PLXNA4: variants seen among roughly 807,000 people sequenced by gnomAD.
The protein encoded by PLXNA4 is plexin A4, also known as plexin-A4.
In PLXNA4, 44 loss-of-function variants were observed where a neutral mutation model predicts 191.8. The observed-to-expected ratio is 0.23, with a 90% confidence interval of 0.18 to 0.29. The LOEUF (loss-of-function observed/expected upper bound fraction) is 0.29. Among genes scored for constraint, PLXNA4 ranks in the 10% least tolerant of loss-of-function variants. The pLI is 1.00. For synonymous variants in PLXNA4, 1,082 were observed against 1,009.5 expected, an observed-to-expected ratio of 1.07 and a Z score of -1.36; for missense variants, 1,800 against 2,488.8, an observed-to-expected ratio of 0.72 and a Z score of 5.89.
chr7:132,142,138 C>G (rs1460313477), intron 29 of PLXNA4, among the ~76,000 whole-genome samples: 1 of 152,242 alleles, frequency 6.6e-6, no homozygotes, highest in Non-Finnish European at 1.5e-5. Context: ...GCCCTGCAGT[C>G]TGCTATTGTA....
At chr7:132,477,876 T>C (rs1306204370) in intron 3 of PLXNA4, among the ~76,000 whole-genome samples, 1 of 152,236 alleles carries the variant, frequency 6.6e-6, no homozygotes, top group African/African-American at 2.4e-5. Context: ...AAAATGTGGC[T>C]AAATAAAAAC....
intron 3 of PLXNA4, among the ~76,000 whole-genome samples, chr7:132,445,467 C>T (rs1367029753): frequency 6.6e-6 from 1 of 151,666 alleles, no homozygotes; most frequent in Non-Finnish European, 1.5e-5. Flanking sequence ...GCATCTCACA[C>T]AACACATCTA....
chr7:132,297,923 A>G (rs1801162388), intron 4 of PLXNA4, among the ~76,000 whole-genome samples, 168 bp downstream of exon 4: 1 of 152,242 alleles, frequency 6.6e-6, no homozygotes, highest in African/African-American at 2.4e-5. Flanking sequence ...TCAGAACACC[A>G]AGCCTCAGTC....
intron 13 of PLXNA4, 78 bp downstream of exon 13, chr7:132,198,407 G>C: frequency 6.6e-7 from 1 of 1,525,326 alleles, no homozygotes. Flanking sequence ...AGAGCACCTA[G>C]TTGCTGACCA....
chr7:132,555,045 G>GAAAAAAAAAAACAAAAAAAAAAAAAAA (rs770401001), intron 1 of PLXNA4, among the ~76,000 whole-genome samples: 6 of 111,894 alleles, frequency 5.4e-5, no homozygotes, highest in African/African-American at 1.1e-4. Context: ...AAACCTGAAG[G>GAAAAAAAAAAACAAAAAAAAAAAAAAA]AAAAAAAAAA....
At chr7:132,629,471 C>T (rs1328839810) in intron 2 of PLXNA4, among the ~76,000 whole-genome samples, 1 of 152,220 alleles carries the variant, frequency 6.6e-6, no homozygotes, top group Non-Finnish European at 1.5e-5. Context: ...TGCCTAGACC[C>T]TCTCCTGAAC....
intron 3 of PLXNA4, among the ~76,000 whole-genome samples, chr7:132,348,989 C>T (rs986131997): frequency 6.6e-6 from 1 of 152,158 alleles, no homozygotes; most frequent in African/African-American, 2.4e-5. Flanking sequence ...TGAGGCGCCC[C>T]TCCGTGTTCC....
chr7:132,493,480 C>T (rs1563131575), intron 2 of PLXNA4, among the ~76,000 whole-genome samples: 1 of 152,286 alleles, frequency 6.6e-6, no homozygotes, highest in Non-Finnish European at 1.5e-5. Flanking sequence ...CTGAGAGGGC[C>T]ACACTCTCTG....
Position 132,312,061 on chromosome 7 carries a change from TGAG to T in PLXNA4, c.1372-13842_1372-13840del, listed in dbSNP as rs368394902. On this transcript the variant is annotated intron_variant, in intron 3 of 31. Transcript: ENST00000321063. ...GCTTTAAGCCACCCCCGCCCTCAGT[TGAG>T]GGGCCTAAAGACATCCTCCTCCAAT... 1.5e-4 allele frequency among the ~76,000 whole-genome samples: 22 copies of T among 151,524 alleles called. No homozygotes were observed. In the South Asian group the frequency reaches 4.6e-3, roughly 32 times the overall value.
chr7:132,225,454 C>T (rs1276034767), intron 8 of PLXNA4, among the ~76,000 whole-genome samples: 1 of 152,182 alleles, frequency 6.6e-6, no homozygotes, highest in African/African-American at 2.4e-5. Flanking sequence ...TGTGATTTCC[C>T]TGTTGATAGA....
chr7:132,392,063 G>A (rs1793517021), intron 3 of PLXNA4, among the ~76,000 whole-genome samples: 1 of 152,068 alleles, frequency 6.6e-6, no homozygotes, highest in Non-Finnish European at 1.5e-5. Context: ...GGGAGGCAGA[G>A]GTTGCAGTGA....
intron 3 of PLXNA4, among the ~76,000 whole-genome samples, chr7:132,355,695 A>G (rs1247673691): frequency 6.6e-6 from 1 of 152,146 alleles, no homozygotes; most frequent in Non-Finnish European, 1.5e-5. Context: ...ATAGGCATAT[A>G]AATCCCTCTG....
intron 3 of PLXNA4, chr7:132,384,261 T>G: frequency 1.0e-6 from 1 of 985,434 alleles, no homozygotes; most frequent in Non-Finnish European, 1.2e-6. Context: ...CTACAGCACT[T>G]TCACTTGTTT....
chr7:132,453,001 T>G (rs1796178967), intron 3 of PLXNA4, among the ~76,000 whole-genome samples: 1 of 152,152 alleles, frequency 6.6e-6, no homozygotes, highest in South Asian at 2.1e-4. Context: ...TGCCTCCTCC[T>G]AATTGGGGTC....
intron 4 of PLXNA4, among the ~76,000 whole-genome samples, chr7:132,266,854 G>A (rs1001379088): frequency 6.6e-6 from 1 of 152,184 alleles, no homozygotes; most frequent in Admixed American, 6.5e-5. Context: ...TTCCATTTTG[G>A]AATAAAGTGA....
At chr7:132,613,082 C>T (rs1423156919) in intron 2 of PLXNA4, among the ~76,000 whole-genome samples, 2 of 152,258 alleles carry the variant, frequency 1.3e-5, no homozygotes, top group Non-Finnish European at 2.9e-5. Context: ...AGAGTAAACT[C>T]GGAAGACAGA....
chr7:132,289,738 G>A (rs942318940), intron 4 of PLXNA4, among the ~76,000 whole-genome samples: 8 of 151,724 alleles, frequency 5.3e-5, no homozygotes, highest in Non-Finnish European at 1.0e-4. Context: ...TTGCCATATT[G>A]CCCAGGCTGG....
At chr7:132,161,570 T>G (rs898857318) in intron 24 of PLXNA4, among the ~76,000 whole-genome samples, 1 of 152,188 alleles carries the variant, frequency 6.6e-6, no homozygotes, top group Non-Finnish European at 1.5e-5. Flanking sequence ...CCTGAGATTC[T>G]GCATTTTTCC....
In PLXNA4 at chr7:132,606,755, G is replaced by A. The variant is rs143651254; in HGVS notation, c.-87+39173C>T. On this transcript the variant is annotated intron_variant, in intron 2 of 4. Transcript: ENST00000378539. ...TTCACAGGGCCACCCCTGACTTTAA[G>A]CCTGAGAAAAATTAGGGAGGAGGGA... Among the ~76,000 whole-genome samples, 876 of 152,314 alleles carry A rather than the reference G, an allele frequency of 5.8e-3. 7 individuals carry two copies. Among genetic ancestry groups the A allele is most frequent in the Middle Eastern group, 0.041 (12 of 294 alleles).
Sources: gnomAD v4.1 joint callset for allele counts (sites outside exome capture counted in the v4.1 genomes callset) on GRCh38, gnomAD v4.1.1 for gene constraint, MANE v1.5 for transcripts, NCBI Gene and HGNC (gene_info 2026-07-23, HGNC 2026-07-21) for gene names.